Variants in SEMA3A observed in about 807,000 individuals in gnomAD.
SEMA3A encodes semaphorin-3A.
SEMA3A carries 29 observed loss-of-function variants against 97.9 expected under a neutral mutation model. That is an observed-to-expected ratio of 0.30 (90% CI 0.22 to 0.40). The LOEUF is 0.40. SEMA3A is among the 10% of genes least tolerant of loss of function. The probability of loss-of-function intolerance (pLI) is 1.00; values close to 1 mark genes in which losing one functional copy is unlikely to be tolerated. For missense variants in SEMA3A, 763 were observed against 951.3 expected, an observed-to-expected ratio of 0.80 and a Z score of 2.60; for synonymous variants, 321 against 323.7, an observed-to-expected ratio of 0.99 and a Z score of 0.09.
intron 2 of SEMA3A, among the ~76,000 whole-genome samples, chr7:84,319,715 C>G (rs984218608): frequency 6.6e-6 from 1 of 152,076 alleles, no homozygotes; most frequent in African/African-American, 2.4e-5. Flanking sequence ...CAATATACTT[C>G]TTTTGTAAAT....
intron 1 of SEMA3A, among the ~76,000 whole-genome samples, chr7:84,193,753 CT>C (rs1798122646): frequency 6.6e-6 from 1 of 152,072 alleles, no homozygotes; most frequent in Non-Finnish European, 1.5e-5. Context: ...TCTTTTTTCT[CT>C]CTTTAATTTA....
intron 4 of SEMA3A, among the ~76,000 whole-genome samples, chr7:84,093,933 A>C (rs77458508): frequency 1.3e-5 from 2 of 151,942 alleles, no homozygotes; most frequent in East Asian, 3.9e-4. Flanking sequence ...TTAAAAAAAA[A>C]AAAAAAGAAA....
At chr7:84,036,009 C>A (rs1021209844) in intron 6 of SEMA3A, among the ~76,000 whole-genome samples, 10 of 152,034 alleles carry the variant, frequency 6.6e-5, no homozygotes, top group African/African-American at 2.4e-4. Context: ...CTCTTCTACA[C>A]ACGCTTTCTA....
intron 3 of SEMA3A, among the ~76,000 whole-genome samples, chr7:84,255,710 G>C (rs1364057485): frequency 6.6e-6 from 1 of 151,908 alleles, no homozygotes; most frequent in Non-Finnish European, 1.5e-5. Flanking sequence ...CTCATTATGA[G>C]AGCTGATTGG....
chr7:84,356,452 G>T (rs1337123370), intron 2 of SEMA3A, among the ~76,000 whole-genome samples: 2 of 151,200 alleles, frequency 1.3e-5, no homozygotes, highest in Admixed American at 1.3e-4. Flanking sequence ...ATAAGAAAAT[G>T]GTGTGGACCT....
At chr7:84,127,112 C>T in intron 3 of SEMA3A, among the ~76,000 whole-genome samples, 1 of 151,908 alleles carries the variant, frequency 6.6e-6, no homozygotes, top group East Asian at 1.9e-4. Context: ...CTCTCCTTAC[C>T]TAACTCTAGT....
rs1002727278 is a variant in SEMA3A, at chr7:84,116,349, T to C, written c.334-5760A>G. 3.3e-5 allele frequency among the ~76,000 whole-genome samples: 5 copies of C among 152,224 alleles called. No homozygotes were observed. In the East Asian group the frequency reaches 7.7e-4, roughly 23 times the overall value. ...GTATACTCTTTTCCTTTTCTTTCTTTTTTTCATGACCAAGTTTAGTTGCTT... is the reference window on the plus strand; with the variant it reads ...GTATACTCTTTTCCTTTTCTTTCTTCTTTTCATGACCAAGTTTAGTTGCTT... On this transcript the variant is annotated intron_variant, in intron 3 of 16. Coordinates refer to ENST00000265362, the MANE Select transcript of SEMA3A (RefSeq NM_006080.3).
chr7:84,197,444 T>TA (rs1798257931), upstream of SEMA3A, among the ~76,000 whole-genome samples: 1 of 152,104 alleles, frequency 6.6e-6, no homozygotes, highest in African/African-American at 2.4e-5. Flanking sequence ...AAATGTTAAA[T>TA]AAAAAATGAA....
At chr7:84,152,135 G>A (rs569218725) in intron 1 of SEMA3A, among the ~76,000 whole-genome samples, 61 of 151,612 alleles carry the variant, frequency 4.0e-4, no homozygotes, top group South Asian at 3.4e-3. Context: ...TCAGTGTGGC[G>A]ATTCCTCAGG....
intron 1 of SEMA3A, among the ~76,000 whole-genome samples, chr7:84,374,946 G>T (rs1803061316): frequency 6.6e-6 from 1 of 152,184 alleles, no homozygotes; most frequent in Non-Finnish European, 1.5e-5. Flanking sequence ...GCAATCCTAG[G>T]GAGGAGACGT....
intron 3 of SEMA3A, among the ~76,000 whole-genome samples, chr7:84,215,714 T>G (rs1017375355): frequency 1.3e-5 from 2 of 152,228 alleles, no homozygotes; most frequent in Admixed American, 1.3e-4. Flanking sequence ...TTTGGAATTG[T>G]GCCTGGGACA....
intron 1 of SEMA3A, among the ~76,000 whole-genome samples, chr7:84,177,472 C>T (rs1163021034): frequency 6.6e-6 from 1 of 151,966 alleles, no homozygotes; most frequent in Non-Finnish European, 1.5e-5. Flanking sequence ...TTCTTGAGCA[C>T]AACTTCAATA....
At position 83,957,756 on chromosome 7, in the gene SEMA3A, A is replaced by G. The variant is rs779996634; in HGVS notation, c.*3615T>C. Reference sequence around the variant, plus strand: ...TGTTTTCTTCTTTATGGAAACATGTATTTGCAAACATTAACATTGACTTCA... The same window carrying G: ...TGTTTTCTTCTTTATGGAAACATGTGTTTGCAAACATTAACATTGACTTCA... On this transcript the variant is annotated 3_prime_UTR_variant, in exon 17 of 17. Transcript: ENST00000265362. 6.6e-6 allele frequency: 1 copy of G among 152,092 alleles called. No homozygotes were observed. The highest frequency in any genetic ancestry group is 1.5e-5 in the Non-Finnish European group (1 of 67,984). 9.4% of individuals were successfully genotyped at this position (152,092 alleles called of 1,614,324 possible). A position where few individuals can be genotyped will look rare whatever the true frequency, so the allele number is the denominator to read the frequency against.
Position 84,194,252 on chromosome 7 carries a change from G to A in SEMA3A, c.112+223C>T, listed in dbSNP as rs982768330. Among the ~76,000 whole-genome samples the A allele has an allele frequency of 2.2e-4, 34 of 152,076 alleles. 1 individual carries two copies. The highest frequency in any genetic ancestry group is 1.2e-4 in the Non-Finnish European group (8 of 68,004). On this transcript the variant is annotated intron_variant, in intron 1 of 16. Coordinates refer to ENST00000265362, the MANE Select transcript of SEMA3A (RefSeq NM_006080.3). The stretch of plus-strand genomic sequence containing the variant: ...AGGCATACAGCTCTTTTCAGCAAAT[G>A]TGATTAAATGTTCTTTGTTTGCATT...
At chr7:84,405,113 G>C (rs936602030) in intron 1 of SEMA3A, among the ~76,000 whole-genome samples, 18 of 152,148 alleles carry the variant, frequency 1.2e-4, no homozygotes, top group African/African-American at 4.1e-4. Flanking sequence ...TTGGATAAAG[G>C]GTCAAGACCC....
intron 1 of SEMA3A, among the ~76,000 whole-genome samples, chr7:84,421,327 T>C (rs990129442): frequency 1.3e-5 from 2 of 152,014 alleles, no homozygotes; most frequent in African/African-American, 4.8e-5. Context: ...CACATAAAAG[T>C]TGTGAGAGTT....
intron 5 of SEMA3A, among the ~76,000 whole-genome samples, chr7:84,056,838 C>T (rs1012769496): frequency 6.6e-6 from 1 of 152,152 alleles, no homozygotes; most frequent in African/African-American, 2.4e-5. Context: ...CCAAATCTCC[C>T]TCCCAGCCTT....
chr7:84,211,129 G>C (rs1004875156), intron 3 of SEMA3A, among the ~76,000 whole-genome samples: 1 of 152,034 alleles, frequency 6.6e-6, no homozygotes, highest in African/African-American at 2.4e-5. Flanking sequence ...ACTCATTCTC[G>C]TTCTTTAGTT....
At chr7:84,076,517 C>T (rs1410014151) in intron 4 of SEMA3A, among the ~76,000 whole-genome samples, 3 of 152,108 alleles carry the variant, frequency 2.0e-5, no homozygotes, top group African/African-American at 7.2e-5. Context: ...ACATAAAGAG[C>T]TGTTATACCA....
Sources: allele counts gnomAD v4.1 joint callset (sites outside exome capture counted in the v4.1 genomes callset), GRCh38; gene constraint gnomAD v4.1.1; transcripts MANE v1.5; gene names NCBI Gene and HGNC (gene_info 2026-07-23, HGNC 2026-07-21).